RALGPS1: variants seen among roughly 807,000 people sequenced by gnomAD.
RALGPS1 encodes the protein Ral GEF with PH domain and SH3 binding motif 1.
A neutral mutation model predicts 78.8 loss-of-function variants in RALGPS1; 19 were observed. The ratio of observed to expected loss-of-function variants is 0.24; its 90% CI spans 0.17 to 0.35. The LOEUF (loss-of-function observed/expected upper bound fraction) is 0.35, where lower values mean the gene tolerates loss of function less well. Ranked by LOEUF, RALGPS1 falls within the 10% of genes least tolerant of loss-of-function variation. The pLI, the probability that RALGPS1 is intolerant of heterozygous loss-of-function variation, is 1.00. For synonymous variants in RALGPS1, 228 were observed against 256.3 expected (o/e 0.89, Z 1.06); for missense variants, 454 against 688.3 (o/e 0.66, Z 3.81).
chr9:126,939,859 A>G (rs1316794848), intron 1 of RALGPS1, among the ~76,000 whole-genome samples: 1 of 152,242 alleles, frequency 6.6e-6, no homozygotes, highest in Non-Finnish European at 1.5e-5. Flanking sequence ...AAGGCCATGG[A>G]CCCAGGCTGG....
chr9:127,075,303 C>T (rs898595816), intron 8 of RALGPS1, among the ~76,000 whole-genome samples: 1 of 152,224 alleles, frequency 6.6e-6, no homozygotes, highest in Admixed American at 6.5e-5. Flanking sequence ...CTGACATATA[C>T]AAGTCAGAGG....
At chr9:126,977,818 G>C in intron 4 of RALGPS1, 73 bp downstream of exon 4, 1 of 1,116,066 alleles carries the variant, frequency 9.0e-7, no homozygotes, top group Non-Finnish European at 1.3e-6. Flanking sequence ...GCCACTGTTA[G>C]AGTGTCTCAG....
chr9:127,091,555 C>G lies in RALGPS1; in HGVS notation c.610+22199C>G, dbSNP rs1008664024. On this transcript the variant is annotated intron_variant, in intron 8 of 18. Transcript: ENST00000259351. The surrounding 1 kb of genome is among the most constrained non-coding windows in gnomAD (Gnocchi z 4.3). Reference sequence around the variant, plus strand: ...TGGTAACAGGGTCAGGCAGCTTGGCCCAGCTGCTTCTCACCCTGGGATCTT... The same window carrying G: ...TGGTAACAGGGTCAGGCAGCTTGGCGCAGCTGCTTCTCACCCTGGGATCTT... 1 of 1,427,328 alleles carries G rather than the reference C, an allele frequency of 7.0e-7. No homozygotes were observed. Among genetic ancestry groups the G allele is most frequent in the African/African-American group, 1.4e-5 (1 of 70,242 alleles). The allele number at this position is 1,427,328 out of a possible 1,614,324, so 88.4% of individuals were successfully genotyped here.
At chr9:127,150,103 G>A (rs1202386508) in intron 8 of RALGPS1, among the ~76,000 whole-genome samples, 1 of 152,214 alleles carries the variant, frequency 6.6e-6, no homozygotes, top group Non-Finnish European at 1.5e-5. Context: ...TAGCCTCTCT[G>A]AGCCTCCCTT....
chr9:126,984,535 G>T (rs987748635), intron 4 of RALGPS1, among the ~76,000 whole-genome samples: 1 of 152,214 alleles, frequency 6.6e-6, no homozygotes, highest in African/African-American at 2.4e-5. Context: ...ATGGTGACTT[G>T]TGGGTGTGTA....
At chr9:127,108,668 C>T (rs1564595990) in intron 8 of RALGPS1, 1 of 1,613,682 alleles carries the variant, frequency 6.2e-7, no homozygotes. Context: ...TCCTCCTGGC[C>T]TGCAACAGCT....
At chr9:127,147,916 C>T (rs766691720) in intron 8 of RALGPS1, among the ~76,000 whole-genome samples, 18 of 152,174 alleles carry the variant, frequency 1.2e-4, no homozygotes, top group Non-Finnish European at 2.2e-4. Context: ...GAGTTATGCT[C>T]ATCTTGAAAA....
chr9:127,187,590 G>A (rs2060735033), intron 11 of RALGPS1, among the ~76,000 whole-genome samples: 1 of 152,094 alleles, frequency 6.6e-6, no homozygotes, highest in Non-Finnish European at 1.5e-5. Context: ...GGTAGCCTTG[G>A]GTTCCACTCC....
At chr9:127,168,409 C>A (rs564823195) in intron 9 of RALGPS1, among the ~76,000 whole-genome samples, 10 of 152,296 alleles carry the variant, frequency 6.6e-5, no homozygotes, top group African/African-American at 2.2e-4. Context: ...GCTCCTCCTT[C>A]CTGGCTAAAA....
At chr9:126,927,004 G>T (rs1396885703) in intron 1 of RALGPS1, among the ~76,000 whole-genome samples, 1 of 152,132 alleles carries the variant, frequency 6.6e-6, no homozygotes, top group Non-Finnish European at 1.5e-5. Context: ...AATGGATGAG[G>T]GGTTGCTTGG....
chr9:127,192,624 C>T (rs759098454), intron 11 of RALGPS1, among the ~76,000 whole-genome samples: 22 of 152,072 alleles, frequency 1.4e-4, no homozygotes, highest in Non-Finnish European at 2.8e-4. Context: ...CATCACTGCG[C>T]TCCATCCTGG....
At chr9:127,116,331 T>C (rs1272212773) in intron 8 of RALGPS1, among the ~76,000 whole-genome samples, 1 of 150,340 alleles carries the variant, frequency 6.7e-6, no homozygotes, top group Non-Finnish European at 1.5e-5. Context: ...GAGGGGGATG[T>C]GGTTAGGGAG....
intron 1 of RALGPS1, among the ~76,000 whole-genome samples, chr9:126,939,267 G>T (rs1328138470): frequency 6.6e-6 from 1 of 152,154 alleles, no homozygotes; most frequent in Non-Finnish European, 1.5e-5. Context: ...GTGCTCATGG[G>T]GTGGCTTGAG....
chr9:126,970,355 G>C (rs2039983798), intron 3 of RALGPS1, among the ~76,000 whole-genome samples: 3 of 152,192 alleles, frequency 2.0e-5, no homozygotes, highest in African/African-American at 4.8e-5. Context: ...GAGAATAAGA[G>C]AACCCCAAAG....
chr9:126,969,931 C>T (rs2039940966), intron 3 of RALGPS1, among the ~76,000 whole-genome samples: 1 of 152,132 alleles, frequency 6.6e-6, no homozygotes. Flanking sequence ...CATGTGAAAC[C>T]AGGTCTCTGG....
At chr9:126,983,621 C>T (rs1308736373) in intron 4 of RALGPS1, among the ~76,000 whole-genome samples, 1 of 152,154 alleles carries the variant, frequency 6.6e-6, no homozygotes, top group Non-Finnish European at 1.5e-5. Flanking sequence ...GTGACAATTC[C>T]AGGGCCTGCA....
intron 8 of RALGPS1, among the ~76,000 whole-genome samples, chr9:127,109,109 A>G (rs879871304): frequency 3.3e-5 from 5 of 152,212 alleles, no homozygotes; most frequent in Admixed American, 6.5e-5. Flanking sequence ...AATCGTATCC[A>G]GGCAGCTTCA....
At chr9:127,165,993 T>A in intron 8 of RALGPS1, 76 bp from the exon 9 acceptor site, 1 of 1,493,064 alleles carries the variant, frequency 6.7e-7, no homozygotes, top group Non-Finnish European at 8.9e-7. Flanking sequence ...TTTTAGCAGA[T>A]CAGTACTATT....
chr9:127,035,686 G>A (rs2046806955), intron 5 of RALGPS1, among the ~76,000 whole-genome samples: 1 of 152,024 alleles, frequency 6.6e-6, no homozygotes, highest in Non-Finnish European at 1.5e-5. Context: ...CAAGTCCAGC[G>A]GGATCCTCAG....
Sources: allele counts gnomAD v4.1 joint callset (sites outside exome capture counted in the v4.1 genomes callset), GRCh38; gene constraint gnomAD v4.1.1; non-coding constraint Gnocchi (gnomAD v3.1); transcripts MANE v1.5; gene names NCBI Gene and HGNC (gene_info 2026-07-23, HGNC 2026-07-21).